The following CAPN12 variants were observed in gnomAD, a reference collection of about 807,000 sequenced individuals.
The protein encoded by CAPN12 is calpain 12.
CAPN12 carries 107 observed loss-of-function variants against 95.0 expected under a neutral mutation model. The ratio of observed to expected loss-of-function variants is 1.13; its 90% CI spans 0.96 to 1.32. The LOEUF (loss-of-function observed/expected upper bound fraction) is 1.32. Ranked by LOEUF, CAPN12 falls within the 40% of genes most tolerant of loss-of-function variation. The pLI is 0.00. For missense variants in CAPN12, 1,136 were observed against 997.8 expected (o/e 1.14, Z -1.87); for synonymous variants, 505 against 415.5 (o/e 1.22, Z -2.62).
rs1203444074 is a variant in CAPN12 at position 38,731,102 on chromosome 19, C to T, written c.2074+5G>A. On this transcript the variant is annotated splice_donor_5th_base_variant and intron_variant, in intron 19 of 20. Transcript: ENST00000328867. ...CATGCCCCACCATGCCGGGGTGGTACTCACAGAAGATGCAGGTGAGGTGGG... is the reference window on the plus strand; with the variant it reads ...CATGCCCCACCATGCCGGGGTGGTATTCACAGAAGATGCAGGTGAGGTGGG... 4 of 1,609,156 alleles carry T rather than the reference C, an allele frequency of 2.5e-6. No individual in the cohort carries two copies. Among genetic ancestry groups the T allele is most frequent in the South Asian group, 2.2e-5 (2 of 90,378 alleles).
intron 18 of CAPN12, chr19:38,733,426 C>T: frequency 2.2e-6 from 1 of 449,462 alleles, no homozygotes; most frequent in Non-Finnish European, 4.0e-6. Flanking sequence ...CCTAATCTTC[C>T]CCTTCCTGGA....
intron 5 of CAPN12, chr19:38,739,531 G>C (rs959110155): frequency 6.8e-6 from 1 of 147,400 alleles, no homozygotes; most frequent in Non-Finnish European, 1.5e-5. Context: ...GAGAGAAACA[G>C]ACACAAAAGA....
chr19:38,739,694 T>A (rs1215167842), intron 5 of CAPN12: 1 of 167,796 alleles, frequency 6.0e-6, no homozygotes, highest in African/African-American at 2.4e-5. Flanking sequence ...TTTACTGAAA[T>A]TCTCAGAAAG....
intron 14 of CAPN12, 33 bp downstream of exon 14, chr19:38,735,337 G>A (rs200871192): frequency 4.5e-5 from 69 of 1,520,994 alleles, no homozygotes; most frequent in Middle Eastern, 3.6e-4. Flanking sequence ...AGGCCGCAGC[G>A]GGATACCCCC....
intron 18 of CAPN12, chr19:38,731,584 T>C (rs1969619002): frequency 3.3e-6 from 1 of 306,370 alleles, no homozygotes; most frequent in Non-Finnish European, 6.4e-6. Context: ...GTCAATCCCA[T>C]ATGGAGTCAG....
At chr19:38,741,656 T>G (rs919019992) in intron 4 of CAPN12, 121 bp downstream of exon 4, 2 of 1,253,662 alleles carry the variant, frequency 1.6e-6, no homozygotes, top group Non-Finnish European at 2.2e-6. Flanking sequence ...TGTCACTTGG[T>G]TTGGGATTCT....
intron 9 of CAPN12, 35 bp from the exon 10 acceptor site, chr19:38,737,423 G>A (rs951279842): frequency 1.9e-6 from 3 of 1,609,130 alleles, no homozygotes; most frequent in Non-Finnish European, 1.7e-6. Context: ...TTTCCTAGCC[G>A]GCCACAGCGC....
chr19:38,740,263 G>C (rs1367971283), intron 4 of CAPN12, 44 bp from the exon 5 acceptor site: 1 of 1,521,726 alleles, frequency 6.6e-7, no homozygotes, highest in South Asian at 1.3e-5. Context: ...AAGTACAAGC[G>C]TCTCAGGCAC....
chr19:38,736,023 C>T lies in CAPN12; in HGVS notation c.1583+87G>A, dbSNP rs1319994932. ...GGGGCAGGTCAGGTCTCGGGGGTCT[C>T]GGGGGTCTCGGGGGTCTCGGGGGTC... On this transcript the variant is annotated intron_variant, in intron 12 of 20. Coordinates refer to ENST00000328867, the MANE Select transcript of CAPN12 (RefSeq NM_144691.4). 11 of 138,968 alleles carry T rather than the reference C, an allele frequency of 7.9e-5. No homozygotes were observed. In the South Asian group the frequency reaches 1.1e-3, roughly 13 times the overall value. 8.6% of individuals were successfully genotyped at this position (138,968 alleles called of 1,614,324 possible).
At chr19:38,734,936 C>T in intron 14 of CAPN12, 66 bp from the exon 15 acceptor site, 2 of 1,509,748 alleles carry the variant, frequency 1.3e-6, no homozygotes, top group Non-Finnish European at 1.8e-6. Context: ...AAGCCCTGTG[C>T]TAGGGACACG....
intron 17 of CAPN12, 27 bp downstream of exon 17, chr19:38,734,115 G>A (rs756878844): frequency 7.5e-6 from 12 of 1,610,646 alleles, no homozygotes; most frequent in African/African-American, 6.7e-5. Flanking sequence ...CTCTCTTTCT[G>A]GGAAGAGGCC....
intron 4 of CAPN12, among the ~76,000 whole-genome samples, chr19:38,741,445 C>T (rs148014126): frequency 3.9e-5 from 6 of 152,110 alleles, no homozygotes; most frequent in African/African-American, 1.4e-4. Context: ...TGGTGGTGCG[C>T]TCCTGTAATC....
chr19:38,732,871 C>T (rs551309336), intron 18 of CAPN12, among the ~76,000 whole-genome samples: 6 of 152,322 alleles, frequency 3.9e-5, no homozygotes, highest in Admixed American at 2.6e-4. Context: ...GGTCACAGTG[C>T]TGTACTGTCT....
chr19:38,742,723 C>T (rs562516711), intron 2 of CAPN12, among the ~76,000 whole-genome samples, 195 bp from the exon 3 acceptor site: 25 of 151,854 alleles, frequency 1.6e-4, no homozygotes, highest in Admixed American at 3.3e-4. Flanking sequence ...TGGTGGCATG[C>T]ACCTGTAGTC....
intron 2 of CAPN12, among the ~76,000 whole-genome samples, chr19:38,742,742 T>C (rs763222077): frequency 7.3e-5 from 11 of 150,492 alleles, no homozygotes; most frequent in Non-Finnish European, 1.6e-4. Flanking sequence ...TCCCAGCTAC[T>C]TGGGAGGCTG....
In CAPN12 at chr19:38,743,982, G is replaced by T; in HGVS notation, c.184C>A (p.Gln62Lys). 1 of 1,614,264 alleles carries T rather than the reference G, an allele frequency of 6.2e-7. No homozygotes were observed. Among genetic ancestry groups the T allele is most frequent in the East Asian group, 2.2e-5 (1 of 44,888 alleles). ...PAGPDALGYD[Q>K]LGPDSEKAKG... The stretch of plus-strand genomic sequence containing the variant: ...GCCTTCTCCGAGTCCGGCCCCAGCT[G>T]GTCATAGCCAAGGGCATCAGGGCCA... Residue 62 changes from glutamine to lysine, a missense_variant, in exon 1 of 21, where the codon CAG becomes AAG. Transcript: ENST00000328867.
intron 19 of CAPN12, 28 bp downstream of exon 19, chr19:38,731,075 CCCAT>C: frequency 6.3e-7 from 1 of 1,587,984 alleles, no homozygotes; most frequent in Non-Finnish European, 8.6e-7. Context: ...ACCCCTTCCC[CCCAT>C]GCCCCACCAT....
chr19:38,730,200 CTATT>C lies in CAPN12; in HGVS notation c.*648_*651del, dbSNP rs1424414742. 1 of 155,206 alleles carries C rather than the reference CTATT, an allele frequency of 6.4e-6. No individual in the cohort carries two copies. Among genetic ancestry groups the C allele is most frequent in the African/African-American group, 2.5e-5 (1 of 40,686 alleles). The allele number at this position is 155,206 out of a possible 1,614,324, so 9.6% of individuals were successfully genotyped here. ...AGAATTAAAAACTTTCAGAGAATTACTATTTACTTTATTAACTTACGGATTTATT... is the reference window on the plus strand; with the variant it reads ...AGAATTAAAAACTTTCAGAGAATTACTACTTTATTAACTTACGGATTTATT... On this transcript the variant is annotated 3_prime_UTR_variant, in exon 21 of 21. Coordinates refer to ENST00000328867, the MANE Select transcript of CAPN12 (RefSeq NM_144691.4).
rs1467923674 is a variant in CAPN12 at position 38,738,330 on chromosome 19, G to A, written c.908C>T (p.Thr303Ile). ...AWSDSCPRWD[T>I]LPTECRDALL... ...GGCATCGCGGCACTCGGTGGGGAGT[G>A]TGTCCCAGCGTGGGCAGCTGGAGAG... The change falls in exon 8 of 21, where the codon ACA becomes ATA. Residue 303 changes from threonine to isoleucine, a missense_variant. Physicochemically the swap from Thr to Ile is moderately conservative, Grantham distance 89. Transcript: ENST00000328867. The A allele has an allele frequency of 1.2e-6, 2 of 1,612,088 alleles. No homozygotes were observed. The highest frequency in any genetic ancestry group is 1.7e-6 in the Non-Finnish European group (2 of 1,180,014).
Sources: gnomAD v4.1 joint callset for allele counts (sites outside exome capture counted in the v4.1 genomes callset) on GRCh38, gnomAD v4.1.1 for gene constraint, MANE v1.5 for transcripts, NCBI Gene and HGNC (gene_info 2026-07-23, HGNC 2026-07-21) for gene names.